PLA2G2C: variants seen among roughly 807,000 people sequenced by gnomAD.
The protein encoded by PLA2G2C is putative inactive group IIC secretory phospholipase A2.
PLA2G2C carries 15 observed loss-of-function variants against 14.3 expected under a neutral mutation model. That is an observed-to-expected ratio of 1.05 (90% CI 0.70 to 1.62). The LOEUF (loss-of-function observed/expected upper bound fraction) is 1.62. Among genes scored for constraint, PLA2G2C ranks in the 40% most tolerant of loss-of-function variants. The probability of loss-of-function intolerance (pLI) is 0.00; values close to 1 mark genes in which losing one functional copy is unlikely to be tolerated. For synonymous variants in PLA2G2C, 79 were observed against 67.7 expected (o/e 1.17, Z -0.82); for missense variants, 162 against 173.2 (o/e 0.94, Z 0.36).
chr1:20,179,922 C>T (rs1018724390), intron 1 of PLA2G2C, among the ~76,000 whole-genome samples: 3 of 149,804 alleles, frequency 2.0e-5, no homozygotes, highest in African/African-American at 7.4e-5. Context: ...TTCTCCCTTC[C>T]TTGTATGTCA....
chr1:20,183,326 T>A (rs2018305064), intron 1 of PLA2G2C, among the ~76,000 whole-genome samples: 1 of 152,274 alleles, frequency 6.6e-6, no homozygotes, highest in African/African-American at 2.4e-5. Context: ...TCAGAGGCCA[T>A]GCCTGCAGTC....
At chr1:20,185,131 G>A (rs1409718019) in intron 1 of PLA2G2C, among the ~76,000 whole-genome samples, 1 of 152,116 alleles carries the variant, frequency 6.6e-6, no homozygotes, top group Non-Finnish European at 1.5e-5. Context: ...GCGAGACCCT[G>A]TCTCCCCTTA....
intron 1 of PLA2G2C, among the ~76,000 whole-genome samples, chr1:20,179,218 G>C (rs1450056860): frequency 1.3e-5 from 2 of 149,198 alleles, no homozygotes; most frequent in African/African-American, 2.6e-5. Context: ...TTCTCTGTGT[G>C]TGTGTGTGTG....
In PLA2G2C at chr1:20,163,910, G is replaced by C. The variant is rs2017913115; in HGVS notation, c.*81C>G. The C allele has an allele frequency of 1.4e-6, 2 of 1,444,854 alleles. No individual in the cohort carries two copies. Among genetic ancestry groups the C allele is most frequent in the Non-Finnish European group, 9.3e-7 (1 of 1,072,974 alleles). The allele number at this position is 1,444,854 out of a possible 1,614,324, so 89.5% of individuals were successfully genotyped here. A position where few individuals can be genotyped will look rare whatever the true frequency, so the allele number is the denominator to read the frequency against. ...CCTCCCAGTGGAAGAACAGGGGCCTGTTGGGGATGATCTGAGAAGGCTTCC... is the reference window on the plus strand; with the variant it reads ...CCTCCCAGTGGAAGAACAGGGGCCTCTTGGGGATGATCTGAGAAGGCTTCC... On this transcript the variant is annotated 3_prime_UTR_variant, in exon 5 of 5. Coordinates refer to ENST00000679259, the MANE Select transcript of PLA2G2C (RefSeq NM_001367969.2).
At chr1:20,182,930 G>A (rs1394497352) in intron 1 of PLA2G2C, among the ~76,000 whole-genome samples, 3 of 152,230 alleles carry the variant, frequency 2.0e-5, no homozygotes, top group Admixed American at 2.0e-4. Flanking sequence ...TGGTTGGGGA[G>A]GATACCAGTT....
chr1:20,171,082 G>A (rs1395887138), intron 4 of PLA2G2C, among the ~76,000 whole-genome samples: 1 of 141,544 alleles, frequency 7.1e-6, no homozygotes, highest in Non-Finnish European at 1.5e-5. Flanking sequence ...GGAGCCCAGG[G>A]TGGAGGCTTG....
chr1:20,172,258 GC>G (rs1367760581), intron 4 of PLA2G2C, among the ~76,000 whole-genome samples: 7 of 152,136 alleles, frequency 4.6e-5, no homozygotes, highest in African/African-American at 1.7e-4. Context: ...GGATGCCAGG[GC>G]CACGCCCCAT....
chr1:20,174,387 C>T (rs1277676730), intron 3 of PLA2G2C, among the ~76,000 whole-genome samples: 1 of 152,194 alleles, frequency 6.6e-6, no homozygotes, highest in African/African-American at 2.4e-5. Flanking sequence ...AACTCACACT[C>T]CCCCACCCCC....
intron 4 of PLA2G2C, among the ~76,000 whole-genome samples, chr1:20,172,334 C>G (rs1052176487): frequency 1.3e-5 from 2 of 152,062 alleles, no homozygotes; most frequent in African/African-American, 4.8e-5. Flanking sequence ...ATGTGAGTCC[C>G]CCTTCCCTTC....
chr1:20,173,510 C>G (rs1026064333), intron 3 of PLA2G2C, among the ~76,000 whole-genome samples: 4 of 152,048 alleles, frequency 2.6e-5, no homozygotes, highest in Admixed American at 6.5e-5. Context: ...AATGATAGAC[C>G]CAGGACACAA....
intron 1 of PLA2G2C, 74 bp from the exon 2 acceptor site, chr1:20,177,513 A>G (rs1167058571): frequency 2.0e-6 from 1 of 508,558 alleles, no homozygotes; most frequent in African/African-American, 2.0e-5. Flanking sequence ...TGCCTTGGAA[A>G]GACCTCAGCA....
At chr1:20,182,323 T>A (rs2018289290) in intron 1 of PLA2G2C, among the ~76,000 whole-genome samples, 1 of 152,250 alleles carries the variant, frequency 6.6e-6, no homozygotes, top group Non-Finnish European at 1.5e-5. Context: ...AAATTGTACC[T>A]TTTCTATGTT....
At chr1:20,169,854 C>CT (rs2018040650) in intron 4 of PLA2G2C, among the ~76,000 whole-genome samples, 1 of 152,232 alleles carries the variant, frequency 6.6e-6, no homozygotes, top group Non-Finnish European at 1.5e-5. Context: ...GCTCCGGGGC[C>CT]TTACAGCGAA....
intron 3 of PLA2G2C, among the ~76,000 whole-genome samples, chr1:20,173,818 T>C (rs1175167956): frequency 6.6e-6 from 1 of 152,240 alleles, no homozygotes; most frequent in African/African-American, 2.4e-5. Flanking sequence ...ACCATTCCCA[T>C]CTGCAAGTGG....
intron 1 of PLA2G2C, among the ~76,000 whole-genome samples, chr1:20,180,172 C>G (rs565028865): frequency 6.6e-6 from 1 of 152,300 alleles, no homozygotes; most frequent in Admixed American, 6.5e-5. Context: ...CCCTTGCTCA[C>G]TTCCCTACAG....
intron 2 of PLA2G2C, among the ~76,000 whole-genome samples, chr1:20,175,478 C>T (rs1409474874): frequency 6.6e-6 from 1 of 152,202 alleles, no homozygotes; most frequent in Non-Finnish European, 1.5e-5. Flanking sequence ...TCTGATGCAA[C>T]ATGAATGGCA....
At chr1:20,170,058 C>T (rs1307440709) in intron 4 of PLA2G2C, among the ~76,000 whole-genome samples, 1 of 152,230 alleles carries the variant, frequency 6.6e-6, no homozygotes, top group African/African-American at 2.4e-5. Flanking sequence ...GGCTGTGTGG[C>T]CTTGGCCATC....
At position 20,171,191 on chromosome 1, in the gene PLA2G2C, TC is replaced by T. The variant is rs1251361917; in HGVS notation, c.283+1602del. On this transcript the variant is annotated intron_variant, in intron 4 of 4. Coordinates refer to ENST00000679259, the MANE Select transcript of PLA2G2C (RefSeq NM_001367969.2). ...GGAGGCCACCTTCTCCAGTCCCCTC[TC>T]CCCATCCCTCCCACCAGGCCCTGAT... 5.2e-5 allele frequency among the ~76,000 whole-genome samples: 5 copies of T among 95,920 alleles called. 2 individuals are homozygous for T. In the East Asian group the frequency reaches 1.4e-3, roughly 27 times the overall value. 62.9% of individuals were successfully genotyped at this position (95,920 alleles called of 152,430 possible).
intron 4 of PLA2G2C, among the ~76,000 whole-genome samples, chr1:20,168,973 AG>A (rs1170443094): frequency 6.6e-6 from 1 of 152,126 alleles, no homozygotes; most frequent in Non-Finnish European, 1.5e-5. Context: ...TGACATTTAG[AG>A]TCGTGGACAG....
Sources: allele counts gnomAD v4.1 joint callset (sites outside exome capture counted in the v4.1 genomes callset), GRCh38; gene constraint gnomAD v4.1.1; transcripts MANE v1.5; gene names NCBI Gene and HGNC (gene_info 2026-07-23, HGNC 2026-07-21).